Variants in RNF157 observed in about 807,000 individuals in gnomAD.
The protein encoded by RNF157 is ring finger protein 157.
In RNF157, 55 loss-of-function variants were observed where a neutral mutation model predicts 88.3. That is an observed-to-expected ratio of 0.62 (90% CI 0.50 to 0.78). The LOEUF is 0.78. RNF157 is among the 30% of genes least tolerant of loss of function. The probability of loss-of-function intolerance (pLI) is 0.00; values close to 1 mark genes in which losing one functional copy is unlikely to be tolerated. For missense variants in RNF157, 788 were observed against 860.8 expected, an observed-to-expected ratio of 0.92 and a Z score of 1.06; for synonymous variants, 334 against 341.2, an observed-to-expected ratio of 0.98 and a Z score of 0.23.
chr17:76,150,019 C>T lies in RNF157; in HGVS notation c.1921+2336G>A, dbSNP rs187665707. Among the ~76,000 whole-genome samples, 31 of 152,084 alleles carry T rather than the reference C, an allele frequency of 2.0e-4. No individual in the cohort carries two copies. In the East Asian group the frequency reaches 6.0e-3, roughly 29 times the overall value. ...CTGCACTCCAGGCTGGGCGACAGAG[C>T]GAGACTCTGTCTCAAAAAAAACAAA... On this transcript the variant is annotated intron_variant, in intron 18 of 18. Coordinates refer to ENST00000269391, the MANE Select transcript of RNF157 (RefSeq NM_052916.3).
intron 2 of RNF157, among the ~76,000 whole-genome samples, chr17:76,197,454 G>A (rs1164370124): frequency 1.3e-5 from 2 of 152,132 alleles, no homozygotes; most frequent in African/African-American, 2.4e-5. Flanking sequence ...CTTGAGGCCA[G>A]GTGTTTGAGA....
At chr17:76,155,425 G>T in intron 15 of RNF157, 108 bp from the exon 16 acceptor site, 1 of 1,444,396 alleles carries the variant, frequency 6.9e-7, no homozygotes, top group Non-Finnish European at 9.7e-7. Flanking sequence ...TCAGACCTAA[G>T]GGAATGCCTT....
chr17:76,154,569 C>T, intron 16 of RNF157: 1 of 477,184 alleles, frequency 2.1e-6, no homozygotes. Context: ...TCAGAATGGT[C>T]TGTCAGGAAC....
chr17:76,173,026 C>T (rs558207252), intron 3 of RNF157, among the ~76,000 whole-genome samples: 28 of 152,294 alleles, frequency 1.8e-4, no homozygotes, highest in Admixed American at 1.4e-3. Flanking sequence ...GTGGCTCACG[C>T]CTGTAATCCC....
At chr17:76,231,886 A>T (rs1388084942) in intron 1 of RNF157, among the ~76,000 whole-genome samples, 1 of 152,204 alleles carries the variant, frequency 6.6e-6, no homozygotes, top group African/African-American at 2.4e-5. Flanking sequence ...CATCATGCCC[A>T]TTTACAGTTA....
At chr17:76,205,672 C>T in intron 2 of RNF157, among the ~76,000 whole-genome samples, 1 of 151,872 alleles carries the variant, frequency 6.6e-6, no homozygotes, top group East Asian at 1.9e-4. Flanking sequence ...TTGCAGTGAG[C>T]CAAGATCGTG....
At chr17:76,158,979 T>G (rs190789082) in intron 12 of RNF157, among the ~76,000 whole-genome samples, 5 of 152,326 alleles carry the variant, frequency 3.3e-5, no homozygotes, top group Admixed American at 3.3e-4. Flanking sequence ...TGGATTTAGA[T>G]GTTTAAGAGA....
Position 76,212,502 on chromosome 17 carries a change from A to G in RNF157, c.89-20T>C, listed in dbSNP as rs549098259. On this transcript the variant is annotated intron_variant, in intron 1 of 18. Transcript: ENST00000269391. ...AGCTTCCTAGAGAGGAACAAACAAA[A>G]AAAATCAAACAAGCAGAAAACAGTC... 2 of 1,466,264 alleles carry G rather than the reference A, an allele frequency of 1.4e-6. No individual in the cohort carries two copies. Among genetic ancestry groups the G allele is most frequent in the East Asian group, 2.3e-5 (1 of 44,102 alleles). 90.8% of individuals were successfully genotyped at this position (1,466,264 alleles called of 1,614,324 possible). A position where few individuals can be genotyped will look rare whatever the true frequency, so the allele number is the denominator to read the frequency against.
chr17:76,210,645 A>T (rs1353941994), intron 2 of RNF157, among the ~76,000 whole-genome samples: 1 of 151,662 alleles, frequency 6.6e-6, no homozygotes, highest in Non-Finnish European at 1.5e-5. Flanking sequence ...CCAAAAAAAT[A>T]ATTATTTTTA....
chr17:76,190,163 GCT>G (rs145686252), intron 2 of RNF157, among the ~76,000 whole-genome samples: 3 of 148,642 alleles, frequency 2.0e-5, no homozygotes, highest in African/African-American at 4.9e-5. Context: ...CTAACTGCTT[GCT>G]CTCTCTTTTT....
At chr17:76,173,616 T>C (rs1247615916) in intron 3 of RNF157, 86 bp downstream of exon 3, 31 of 1,021,778 alleles carry the variant, frequency 3.0e-5, no homozygotes, top group Admixed American at 6.5e-5. Flanking sequence ...AACTGCTGTA[T>C]GAGTTCCTTG....
At chr17:76,209,714 C>T (rs2069748439) in intron 2 of RNF157, among the ~76,000 whole-genome samples, 1 of 152,094 alleles carries the variant, frequency 6.6e-6, no homozygotes, top group African/African-American at 2.4e-5. Flanking sequence ...GAAACAGATG[C>T]AAACATCAAG....
intron 14 of RNF157, 79 bp downstream of exon 14, chr17:76,156,131 C>CCT: frequency 8.9e-7 from 1 of 1,128,512 alleles, no homozygotes; most frequent in South Asian, 1.3e-5. Context: ...CTCCCATGTC[C>CCT]CTTCCCGGAA....
At chr17:76,147,408 C>T (rs970735898) in intron 18 of RNF157, 9 of 890,620 alleles carry the variant, frequency 1.0e-5, no homozygotes, top group Middle Eastern at 3.9e-4. Context: ...CCACCGCCGC[C>T]GCCACCACCA....
At chr17:76,225,370 A>G (rs186128561) in intron 1 of RNF157, among the ~76,000 whole-genome samples, 1 of 152,278 alleles carries the variant, frequency 6.6e-6, no homozygotes, top group East Asian at 1.9e-4. Context: ...TTGCCAAAAA[A>G]ATTAGTATAT....
chr17:76,187,534 T>C (rs946112210), intron 2 of RNF157, among the ~76,000 whole-genome samples: 1 of 152,150 alleles, frequency 6.6e-6, no homozygotes, highest in African/African-American at 2.4e-5. Flanking sequence ...CCTAGATAAT[T>C]AGAACAAAAT....
intron 1 of RNF157, among the ~76,000 whole-genome samples, chr17:76,217,867 A>T (rs930200288): frequency 1.3e-5 from 2 of 152,248 alleles, no homozygotes; most frequent in African/African-American, 2.4e-5. Flanking sequence ...GGCTTTAAAA[A>T]GTCACATCAT....
intron 1 of RNF157, among the ~76,000 whole-genome samples, chr17:76,233,084 C>G (rs1271477393): frequency 1.3e-5 from 2 of 152,092 alleles, no homozygotes; most frequent in Non-Finnish European, 2.9e-5. Flanking sequence ...CCACGCCCAG[C>G]TAATTTTTTG....
Position 76,161,879 on chromosome 17 carries a change from G to A in RNF157, c.916C>T (p.Arg306Cys), listed in dbSNP as rs1380656958. Residue 306 changes from arginine to cysteine, a missense_variant, in exon 10 of 19, where the codon CGC becomes TGC. By Grantham distance (180) the Arg-to-Cys change is radical. Coordinates refer to ENST00000269391, the MANE Select transcript of RNF157 (RefSeq NM_052916.3). This position sits in a 1 kb window ranked among gnomAD's most constrained non-coding sequence, Gnocchi z 4.6. Reference sequence around the variant, plus strand: ...ATGGGGCAGTTGTTGGCCTGGTAGCGCAGCGTGTCTGCACAGGTGTTACAG... The same window carrying A: ...ATGGGGCAGTTGTTGGCCTGGTAGCACAGCGTGTCTGCACAGGTGTTACAG... Reference protein sequence around the residue: ...CLCNTCADTLRYQANNCPICR... With the variant: ...CLCNTCADTLCYQANNCPICR... 4 of 1,614,226 alleles carry A rather than the reference G, an allele frequency of 2.5e-6. No individual in the cohort carries two copies. Among genetic ancestry groups the A allele is most frequent in the Non-Finnish European group, 2.5e-6 (3 of 1,180,042 alleles).
Sources: gnomAD v4.1 joint callset for allele counts (sites outside exome capture counted in the v4.1 genomes callset) on GRCh38, gnomAD v4.1.1 for gene constraint, Gnocchi (gnomAD v3.1) non-coding constraint, MANE v1.5 for transcripts, NCBI Gene and HGNC (gene_info 2026-07-23, HGNC 2026-07-21) for gene names.